NEMP2: variants seen among roughly 807,000 people sequenced by gnomAD.
The protein encoded by NEMP2 is nuclear envelope integral membrane protein 2.
A neutral mutation model predicts 54.2 loss-of-function variants in NEMP2; 53 were observed. The observed-to-expected ratio is 0.98, with a 90% confidence interval of 0.78 to 1.23. NEMP2 has a LOEUF of 1.23. Among genes scored for constraint, NEMP2 ranks in the 50% most tolerant of loss-of-function variants. The probability of loss-of-function intolerance (pLI) is 0.00; values close to 1 mark genes in which losing one functional copy is unlikely to be tolerated. For synonymous variants in NEMP2, 197 were observed against 190.3 expected (o/e 1.04, Z -0.29); for missense variants, 455 against 511.3 (o/e 0.89, Z 1.06).
the NEMP2 span, among the ~76,000 whole-genome samples, chr2:190,612,212 G>A: frequency 6.9e-6 from 1 of 144,918 alleles, no homozygotes; most frequent in African/African-American, 2.6e-5. Flanking sequence ...CTGGAGTGCA[G>A]TGGCATGATC....
chr2:190,590,074 C>G, the NEMP2 span, among the ~76,000 whole-genome samples: 2 of 152,158 alleles, frequency 1.3e-5, no homozygotes, highest in African/African-American at 4.8e-5. The surrounding 1 kb of genome is among the most constrained non-coding windows in gnomAD (Gnocchi z 5.1). Context: ...AGACTGGGCA[C>G]AAAGTAAAGG....
the NEMP2 span, among the ~76,000 whole-genome samples, chr2:190,481,243 A>T: frequency 6.6e-6 from 1 of 152,248 alleles, no homozygotes; most frequent in Non-Finnish European, 1.5e-5. Flanking sequence ...GTAAAAATTC[A>T]CGAGGGCCCC....
chr2:190,618,051 G>C, the NEMP2 span, among the ~76,000 whole-genome samples: 5 of 152,164 alleles, frequency 3.3e-5, no homozygotes, highest in African/African-American at 1.2e-4. Flanking sequence ...AGGATTCTTA[G>C]AGGGGCGTAG....
the NEMP2 span, chr2:190,436,572 A>C: frequency 6.2e-7 from 1 of 1,614,108 alleles, no homozygotes; most frequent in African/African-American, 1.3e-5. This position sits in a 1 kb window ranked among gnomAD's most constrained non-coding sequence, Gnocchi z 5.3. Context: ...TCCTGCCAAC[A>C]AATTCTTCCT....
At chr2:190,444,058 A>G in the NEMP2 span, among the ~76,000 whole-genome samples, 1 of 152,212 alleles carries the variant, frequency 6.6e-6, no homozygotes, top group African/African-American at 2.4e-5. Context: ...CTGTTTCAAA[A>G]AAGAAAAGGA....
the NEMP2 span, among the ~76,000 whole-genome samples, chr2:190,483,799 C>T: frequency 7.2e-6 from 1 of 138,490 alleles, no homozygotes; most frequent in Non-Finnish European, 1.5e-5. Flanking sequence ...CACGCCATTG[C>T]ACTCCAGCCT....
chr2:190,448,661 A>C, the NEMP2 span, among the ~76,000 whole-genome samples: 6 of 152,316 alleles, frequency 3.9e-5, no homozygotes, highest in African/African-American at 1.2e-4. Context: ...AAGACATTTA[A>C]ATTTGTAGAG....
downstream of NEMP2, chr2:190,501,604 C>T (rs1690027879): frequency 6.6e-6 from 1 of 152,440 alleles, no homozygotes; most frequent in African/African-American, 2.4e-5. Flanking sequence ...ATGAGCAACT[C>T]ACCTTACCCT....
At chr2:190,435,983 A>G in the NEMP2 span, 25 of 1,551,488 alleles carry the variant, frequency 1.6e-5, no homozygotes, top group Middle Eastern at 3.5e-4. Flanking sequence ...ACAGATCAAC[A>G]GTACAAATTC....
chr2:190,643,935 AAAC>A, the NEMP2 span, among the ~76,000 whole-genome samples: 2 of 152,192 alleles, frequency 1.3e-5, no homozygotes, highest in South Asian at 2.1e-4. Flanking sequence ...TCAAAAACAA[AAAC>A]AACAAAAAAG....
chr2:190,542,775 C>G, the NEMP2 span, among the ~76,000 whole-genome samples: 8 of 152,156 alleles, frequency 5.3e-5, no homozygotes, highest in Admixed American at 5.2e-4. This position sits in a 1 kb window ranked among gnomAD's most constrained non-coding sequence, Gnocchi z 4.6. Flanking sequence ...TGATAAATTT[C>G]TGAATTGCTA....
the NEMP2 span, among the ~76,000 whole-genome samples, chr2:190,554,438 A>T: frequency 6.6e-6 from 1 of 152,170 alleles, no homozygotes; most frequent in African/African-American, 2.4e-5. This position sits in a 1 kb window ranked among gnomAD's most constrained non-coding sequence, Gnocchi z 5.7. Flanking sequence ...CAGCAGTCTG[A>T]GCTCGACCTG....
chr2:190,583,593 C>T, the NEMP2 span, among the ~76,000 whole-genome samples: 10 of 152,112 alleles, frequency 6.6e-5, no homozygotes, highest in Admixed American at 3.3e-4. Context: ...CAAAATCTGG[C>T]GATTTCATGT....
the NEMP2 span, among the ~76,000 whole-genome samples, chr2:190,643,302 G>C: frequency 6.6e-6 from 1 of 152,168 alleles, no homozygotes. Context: ...AGGGAAAGCA[G>C]AAGCTACTGA....
the NEMP2 span, among the ~76,000 whole-genome samples, chr2:190,498,863 T>C: frequency 1.3e-5 from 2 of 152,156 alleles, no homozygotes; most frequent in Non-Finnish European, 2.9e-5. The surrounding 1 kb of genome is among the most constrained non-coding windows in gnomAD (Gnocchi z 5.9). Context: ...ATAAATTTTT[T>C]TCTGGGCTGG....
chr2:190,627,895 C>T, the NEMP2 span: 1 of 152,232 alleles, frequency 6.6e-6, no homozygotes, highest in Non-Finnish European at 1.5e-5. The surrounding 1 kb of genome is among the most constrained non-coding windows in gnomAD (Gnocchi z 4.4). Context: ...TATCCGTGTG[C>T]CAAGCTAATA....
At chr2:190,629,205 C>G in the NEMP2 span, among the ~76,000 whole-genome samples, 1 of 152,178 alleles carries the variant, frequency 6.6e-6, no homozygotes, top group Non-Finnish European at 1.5e-5. Context: ...CATGACACAG[C>G]CCGATTCCCA....
chr2:190,467,545 G>A, the NEMP2 span, among the ~76,000 whole-genome samples: 4 of 152,056 alleles, frequency 2.6e-5, no homozygotes, highest in Non-Finnish European at 4.4e-5. This position sits in a 1 kb window ranked among gnomAD's most constrained non-coding sequence, Gnocchi z 5.5. Context: ...CCTGGGAGGC[G>A]GAGGTTTCAG....
chr2:190,639,484 C>A, the NEMP2 span, among the ~76,000 whole-genome samples: 1 of 151,568 alleles, frequency 6.6e-6, no homozygotes, highest in Admixed American at 6.6e-5. Context: ...TTTTTGTTGA[C>A]CTCCTGGTTT....
Sources: gnomAD v4.1 joint callset for allele counts (sites outside exome capture counted in the v4.1 genomes callset) on GRCh38, gnomAD v4.1.1 for gene constraint, Gnocchi (gnomAD v3.1) non-coding constraint, MANE v1.5 for transcripts, NCBI Gene and HGNC (gene_info 2026-07-23, HGNC 2026-07-21) for gene names.